Variants in CYFIP1 observed in about 807,000 individuals in gnomAD.
The protein encoded by CYFIP1 is cytoplasmic FMR1-interacting protein 1.
A neutral mutation model predicts 163.5 loss-of-function variants in CYFIP1; 58 were observed. The ratio of observed to expected loss-of-function variants is 0.35; its 90% CI spans 0.29 to 0.44. The LOEUF is 0.44. Ranked by LOEUF, CYFIP1 falls within the 20% of genes least tolerant of loss-of-function variation. The probability of loss-of-function intolerance (pLI) is 1.00; values close to 1 mark genes in which losing one functional copy is unlikely to be tolerated. For missense variants in CYFIP1, 1,338 were observed against 1,653.8 expected (o/e 0.81, Z 3.31); for synonymous variants, 663 against 660.7 (o/e 1.00, Z -0.05).
chr15:22,910,399 T>C, intron 20 of CYFIP1, 121 bp downstream of exon 20: 2 of 728,074 alleles, frequency 2.7e-6, no homozygotes, highest in Non-Finnish European at 4.6e-6. Flanking sequence ...TAACCTCAGG[T>C]GATCCGCCCA....
chr15:22,926,079 T>A lies in CYFIP1; in HGVS notation c.1262A>T (p.Asp421Val). The change falls in exon 13 of 31, where the codon GAC becomes GTC. Residue 421 changes from aspartate to valine, a missense_variant. Asp to Val is a radical substitution (Grantham distance 152, BLOSUM62 -3). Around this residue, in one of 4 missense-constraint regions of CYFIP1, gnomAD observed 824 missense variants for 995.7 expected, o/e 0.83. Coordinates refer to ENST00000617928, the MANE Select transcript of CYFIP1 (RefSeq NM_014608.6). ...GGGGCAGTCCTTGTTGGAGTACTTG[T>A]CGGTGGGGTGCACAAGCTTCCAGGA... The part of the protein sequence containing the change: ...VYSWKLVHPT[D>V]KYSNKDCPDS... 6.2e-7 allele frequency: 1 copy of A among 1,614,158 alleles called. No homozygotes were observed. Among genetic ancestry groups the A allele is most frequent in the Non-Finnish European group, 8.5e-7 (1 of 1,180,010 alleles).
chr15:22,875,351 T>G, intron 26 of CYFIP1, 80 bp from the exon 27 acceptor site: 1 of 1,200,726 alleles, frequency 8.3e-7, no homozygotes, highest in South Asian at 1.2e-5. Flanking sequence ...CAAGAACTTC[T>G]TTGCCTTTTA....
At chr15:22,969,340 C>T (rs188057755) in intron 1 of CYFIP1, among the ~76,000 whole-genome samples, 24 of 152,230 alleles carry the variant, frequency 1.6e-4, no homozygotes, top group Middle Eastern at 3.4e-3. Flanking sequence ...GAAATGCAGT[C>T]GTAATAAAGT....
intron 1 of CYFIP1, among the ~76,000 whole-genome samples, chr15:22,970,976 T>G (rs1020897736): frequency 2.6e-5 from 4 of 151,930 alleles, no homozygotes; most frequent in Non-Finnish European, 5.9e-5. Flanking sequence ...CTAGAGAGGC[T>G]GAGGCAGGAG....
intron 1 of CYFIP1, among the ~76,000 whole-genome samples, chr15:22,964,701 C>A (rs767575889): frequency 4.6e-5 from 7 of 152,210 alleles, no homozygotes; most frequent in African/African-American, 1.7e-4. Context: ...CTTCGTGAAG[C>A]CTTGGGCTGT....
chr15:22,874,313 T>C (rs1476990615), intron 28 of CYFIP1, among the ~76,000 whole-genome samples: 2 of 152,262 alleles, frequency 1.3e-5, no homozygotes, highest in African/African-American at 4.8e-5. Flanking sequence ...ATGTCTTCTG[T>C]GTAAGCCTTA....
chr15:22,916,360 C>T (rs2060980806), intron 16 of CYFIP1, 117 bp downstream of exon 16: 2 of 768,794 alleles, frequency 2.6e-6, no homozygotes, highest in Non-Finnish European at 4.3e-6. Context: ...GGACGAGTCA[C>T]CGTCTGGGTG....
At position 22,870,059 on chromosome 15, in the gene CYFIP1, G is replaced by A. The variant is rs939700863; in HGVS notation, c.3731C>T (p.Pro1244Leu). ...GCTGGCGAGGGACTGGTGGATGGGC[G>A]GCTGGAAGCAGCGCACATGCTCCAC... is the stretch of plus-strand genomic sequence containing the variant. ...TPVEHVRCFQ[P>L]PIHQSLASS The change falls in exon 31 of 31, where the codon CCG becomes CTG. Residue 1244 changes from proline (P) to leucine (L), a missense_variant. By Grantham distance (98) the Pro-to-Leu change is moderately conservative. Around this residue, in one of 4 missense-constraint regions of CYFIP1, gnomAD observed 306 missense variants for 322.1 expected, o/e 0.95. Transcript: ENST00000617928. 2.5e-6 allele frequency: 4 copies of A among 1,608,580 alleles called. No individual in the cohort carries two copies. The highest frequency in any genetic ancestry group is 1.3e-5 in the African/African-American group (1 of 74,692).
chr15:22,883,368 G>A (rs1005041858), intron 23 of CYFIP1, among the ~76,000 whole-genome samples: 5 of 152,104 alleles, frequency 3.3e-5, no homozygotes, highest in African/African-American at 9.7e-5. Flanking sequence ...TGAAGGGGCC[G>A]GGGGAGCTGC....
Position 22,936,632 on chromosome 15 carries a change from C to T in CYFIP1, c.900+472G>A, listed in dbSNP as rs529095053. Among the ~76,000 whole-genome samples the T allele has an allele frequency of 2.6e-5, 4 of 152,210 alleles. No individual in the cohort carries two copies. The East Asian group carries it at 5.8e-4, about 22-fold the overall frequency. ...ACTGAAAACAGATCAGGCCTGTGAC[C>T]CCCGGTCCCTCTCCTGGGTATGCAC... On this transcript the variant is annotated intron_variant, in intron 9 of 30. Transcript: ENST00000617928.
At chr15:22,956,962 C>T (rs908658268) in intron 1 of CYFIP1, among the ~76,000 whole-genome samples, 5 of 152,282 alleles carry the variant, frequency 3.3e-5, no homozygotes, top group Non-Finnish European at 5.9e-5. Context: ...AGGGACCGAA[C>T]AGTCATCTCT....
chr15:22,923,735 G>A (rs759287071), intron 13 of CYFIP1, among the ~76,000 whole-genome samples: 2 of 151,960 alleles, frequency 1.3e-5, no homozygotes, highest in African/African-American at 2.4e-5. Flanking sequence ...TTGAGCTCAG[G>A]AGTTCAAGAC....
chr15:22,908,125 A>G (rs2060646018), intron 21 of CYFIP1, among the ~76,000 whole-genome samples: 1 of 152,150 alleles, frequency 6.6e-6, no homozygotes, highest in African/African-American at 2.4e-5. Flanking sequence ...AGACACAGGG[A>G]AAAATGGCAG....
At chr15:22,903,179 G>A (rs78735144) in intron 22 of CYFIP1, among the ~76,000 whole-genome samples, 6,748 of 152,196 alleles carry the variant, frequency 0.044, 207 homozygotes, top group East Asian at 0.13. Flanking sequence ...TCCCTGGCAC[G>A]CGCTGACACT....
chr15:22,874,493 C>G (rs780493508), intron 28 of CYFIP1, 57 bp downstream of exon 28: 229 of 1,381,770 alleles, frequency 1.7e-4, no homozygotes, highest in Non-Finnish European at 2.1e-4. Context: ...ACCAGGCCAC[C>G]TGGCCTGGCA....
intron 1 of CYFIP1, among the ~76,000 whole-genome samples, chr15:22,968,564 C>T (rs1167928009): frequency 6.6e-6 from 1 of 152,180 alleles, no homozygotes; most frequent in African/African-American, 2.4e-5. Context: ...CACATCCACA[C>T]GTATCCTGCT....
At chr15:22,910,915 C>T (rs1234288500) in intron 18 of CYFIP1, 102 bp from the exon 19 acceptor site, 1 of 1,029,328 alleles carries the variant, frequency 9.7e-7, no homozygotes, top group Admixed American at 2.0e-5. Flanking sequence ...AACTGAGGCT[C>T]TTTTATTTTT....
intron 21 of CYFIP1, among the ~76,000 whole-genome samples, chr15:22,906,633 T>C (rs1300605135): frequency 6.6e-6 from 1 of 151,680 alleles, no homozygotes; most frequent in Non-Finnish European, 1.5e-5. Context: ...GCCTGGCTAA[T>C]TTTTTGTATT....
intron 22 of CYFIP1, among the ~76,000 whole-genome samples, chr15:22,901,360 C>T (rs1213677084): frequency 6.6e-6 from 1 of 152,146 alleles, no homozygotes; most frequent in Non-Finnish European, 1.5e-5. Flanking sequence ...TATCTCCCTA[C>T]AAATTATAAC....
Sources: allele counts gnomAD v4.1 joint callset (sites outside exome capture counted in the v4.1 genomes callset), GRCh38; gene constraint gnomAD v4.1.1; regional missense constraint gnomAD v4.1.1; transcripts MANE v1.5; gene names NCBI Gene and HGNC (gene_info 2026-07-23, HGNC 2026-07-21).